NEGR1: variants seen among roughly 807,000 people sequenced by gnomAD.
The protein encoded by NEGR1 is neuronal growth regulator 1, also known as IgLON family member 4.
A neutral mutation model predicts 40.9 loss-of-function variants in NEGR1; 10 were observed. The observed-to-expected ratio is 0.24, with a 90% CI of 0.15 to 0.42. The LOEUF is 0.42. NEGR1 is among the 10% of genes least tolerant of loss of function. NEGR1 has a pLI of 1.00. For synonymous variants in NEGR1, 185 were observed against 166.8 expected (o/e 1.11, Z -0.84); for missense variants, 352 against 438.9 (o/e 0.80, Z 1.77).
chr1:71,749,562 C>G (rs574985143), intron 3 of NEGR1, among the ~76,000 whole-genome samples: 3 of 152,218 alleles, frequency 2.0e-5, no homozygotes, highest in African/African-American at 7.2e-5. Flanking sequence ...CTATTTTTGA[C>G]AGCTGCTTGG....
At chr1:71,608,206 A>G (rs1051425715) in intron 5 of NEGR1, among the ~76,000 whole-genome samples, 1 of 152,192 alleles carries the variant, frequency 6.6e-6, no homozygotes, top group African/African-American at 2.4e-5. Flanking sequence ...TGATAAATGT[A>G]TGCTTCACTC....
chr1:72,197,996 A>C (rs966169514), intron 1 of NEGR1, among the ~76,000 whole-genome samples: 1 of 152,050 alleles, frequency 6.6e-6, no homozygotes, highest in African/African-American at 2.4e-5. Context: ...TTCAGAGAGA[A>C]AAAGGCTTTT....
chr1:71,631,843 G>T (rs1450823197), intron 4 of NEGR1, among the ~76,000 whole-genome samples: 1 of 151,662 alleles, frequency 6.6e-6, no homozygotes, highest in African/African-American at 2.4e-5. Flanking sequence ...TAACAAGAAA[G>T]ATTTTTTTGA....
At chr1:71,792,203 T>C (rs1013557388) in intron 2 of NEGR1, among the ~76,000 whole-genome samples, 1 of 152,100 alleles carries the variant, frequency 6.6e-6, no homozygotes, top group Non-Finnish European at 1.5e-5. Context: ...AATATCTTTG[T>C]GGGAGGGAAA....
At chr1:71,925,919 T>G (rs1645768234) in intron 2 of NEGR1, among the ~76,000 whole-genome samples, 1 of 152,136 alleles carries the variant, frequency 6.6e-6, no homozygotes, top group African/African-American at 2.4e-5. Context: ...GGATTTGACA[T>G]GTATTACTTA....
chr1:71,474,559 C>CACACACACAA (rs1416461058), intron 6 of NEGR1, among the ~76,000 whole-genome samples: 2 of 137,652 alleles, frequency 1.5e-5, no homozygotes, highest in East Asian at 4.7e-4. Context: ...CACACACACA[C>CACACACACAA]AATTAGCCAG....
At chr1:71,718,259 T>A (rs1274555704) in intron 3 of NEGR1, among the ~76,000 whole-genome samples, 1 of 152,150 alleles carries the variant, frequency 6.6e-6, no homozygotes, top group Non-Finnish European at 1.5e-5. Context: ...GGTGTTGTCT[T>A]CATTATAGTG....
intron 1 of NEGR1, among the ~76,000 whole-genome samples, chr1:72,207,276 A>G (rs1217393771): frequency 6.6e-6 from 1 of 151,898 alleles, no homozygotes; most frequent in Non-Finnish European, 1.5e-5. Flanking sequence ...ATCTTACTTC[A>G]TAGGATTAAG....
At chr1:72,081,588 T>C (rs1299934967) in intron 1 of NEGR1, among the ~76,000 whole-genome samples, 1 of 152,110 alleles carries the variant, frequency 6.6e-6, no homozygotes, top group Non-Finnish European at 1.5e-5. Context: ...AGTAATGTGT[T>C]CTTTTCTGCA....
In NEGR1 at chr1:72,201,890, G is replaced by A. The variant is rs183820350; in HGVS notation, c.176+80429C>T. Among the ~76,000 whole-genome samples, 10 of 151,968 alleles carry A rather than the reference G, an allele frequency of 6.6e-5. No homozygotes were observed. The East Asian group carries it at 1.9e-3, about 30-fold the overall frequency. On this transcript the variant is annotated intron_variant, in intron 1 of 6. Transcript: ENST00000357731. ...TTGATCCTACCAAATATTTATACAA[G>A]CACACAGAATTTTATTGTACTTTTC...
chr1:71,576,226 C>A (rs968061207), intron 6 of NEGR1, among the ~76,000 whole-genome samples: 11 of 152,150 alleles, frequency 7.2e-5, no homozygotes, highest in African/African-American at 2.7e-4. Flanking sequence ...AGGAGCTGAT[C>A]ATTGGTGTAT....
At chr1:71,621,107 A>G (rs780051863) in intron 4 of NEGR1, among the ~76,000 whole-genome samples, 2 of 151,980 alleles carry the variant, frequency 1.3e-5, no homozygotes, top group African/African-American at 2.4e-5. Context: ...TCATGATAAG[A>G]CATGGGCAAA....
chr1:72,163,427 C>A (rs536136065), intron 1 of NEGR1, among the ~76,000 whole-genome samples: 4 of 151,878 alleles, frequency 2.6e-5, no homozygotes, highest in Admixed American at 2.6e-4. Flanking sequence ...TTCTACCATG[C>A]GCTACATGAT....
At chr1:71,517,511 T>C (rs1411476880) in intron 6 of NEGR1, among the ~76,000 whole-genome samples, 39 of 130,632 alleles carry the variant, frequency 3.0e-4, no homozygotes, top group Non-Finnish European at 4.9e-4. Context: ...AAAAAGCCTT[T>C]GACAAAATTC....
chr1:72,070,716 A>G (rs1405616905), intron 1 of NEGR1, among the ~76,000 whole-genome samples: 3 of 152,012 alleles, frequency 2.0e-5, no homozygotes, highest in African/African-American at 7.2e-5. Context: ...GAAAATATAT[A>G]ACATGTCATA....
chr1:72,248,949 T>A (rs1456055491), intron 1 of NEGR1, among the ~76,000 whole-genome samples: 1 of 152,192 alleles, frequency 6.6e-6, no homozygotes, highest in East Asian at 1.9e-4. Context: ...ATCTGTAAAG[T>A]TAGACTTGAT....
Position 71,635,972 on chromosome 1 carries a change from A to G in NEGR1, c.668-24826T>C, listed in dbSNP as rs1023303069. 1.4e-4 allele frequency among the ~76,000 whole-genome samples: 21 copies of G among 152,126 alleles called. 1 individual carries two copies. The highest frequency in any genetic ancestry group is 1.2e-4 in the Non-Finnish European group (8 of 68,004). On this transcript the variant is annotated intron_variant, in intron 4 of 6. Transcript: ENST00000357731. ...GATGTTTATAAAGTTAAAAAAATCA[A>G]GTAAACACTTGACAAATAAACAATA...
intron 1 of NEGR1, among the ~76,000 whole-genome samples, chr1:72,202,970 A>G (rs1002531365): frequency 6.9e-6 from 1 of 145,048 alleles, no homozygotes; most frequent in Non-Finnish European, 1.5e-5. Flanking sequence ...TACTTCTCAG[A>G]AAAAAAAATC....
At chr1:72,118,749 G>A (rs927393604) in intron 1 of NEGR1, among the ~76,000 whole-genome samples, 29 of 151,536 alleles carry the variant, frequency 1.9e-4, no homozygotes, top group East Asian at 1.6e-3. Context: ...TACTTTAGCC[G>A]AACCCTGACT....
Sources: gnomAD v4.1 joint callset for allele counts (sites outside exome capture counted in the v4.1 genomes callset) on GRCh38, gnomAD v4.1.1 for gene constraint, MANE v1.5 for transcripts, NCBI Gene and HGNC (gene_info 2026-07-23, HGNC 2026-07-21) for gene names.